The following PANK2 variants were observed in gnomAD, a reference collection of about 807,000 sequenced individuals.
PANK2 encodes the protein pantothenate kinase 2, also known as pantothenate kinase 2, mitochondrial.
PANK2 carries 36 observed loss-of-function variants against 43.1 expected under a neutral mutation model. The observed-to-expected ratio is 0.84, with a 90% CI of 0.64 to 1.10. The LOEUF (loss-of-function observed/expected upper bound fraction) is 1.10. Ranked by LOEUF, PANK2 falls within the 50% of genes least tolerant of loss-of-function variation. The pLI, the probability that PANK2 is intolerant of heterozygous loss-of-function variation, is 0.00. For missense variants in PANK2, 576 were observed against 593.3 expected (o/e 0.97, Z 0.30); for synonymous variants, 281 against 238.2 (o/e 1.18, Z -1.66).
intron 1 of PANK2, among the ~76,000 whole-genome samples, chr20:3,899,471 GTT>G (rs570331404): frequency 6.8e-6 from 1 of 146,438 alleles, no homozygotes; most frequent in Non-Finnish European, 1.5e-5. Flanking sequence ...ACATCCGGCT[GTT>G]TTTTTTTTTT....
At chr20:3,911,894 A>G (rs2090474178) in intron 3 of PANK2, among the ~76,000 whole-genome samples, 1 of 152,214 alleles carries the variant, frequency 6.6e-6, no homozygotes, top group African/African-American at 2.4e-5. Context: ...CCATCTCAAA[A>G]AAAAAAAATG....
chr20:3,908,606 A>T (rs2090424106), intron 2 of PANK2: 1 of 267,300 alleles, frequency 3.7e-6, no homozygotes, highest in Non-Finnish European at 7.3e-6. Flanking sequence ...ATATAATTAA[A>T]ATCATTTCAT....
At chr20:3,896,124 C>T (rs1391256375) in intron 1 of PANK2, among the ~76,000 whole-genome samples, 2 of 150,418 alleles carry the variant, frequency 1.3e-5, no homozygotes, top group Non-Finnish European at 3.0e-5. Flanking sequence ...TGCAGTGGTG[C>T]GATCTTGGCT....
At position 3,889,453 on chromosome 20, in the gene PANK2, A is replaced by G. The variant is rs2090074256; in HGVS notation, c.23A>G (p.Gln8Arg). ...ACGCTGGGGGGCTTGCTCGGGCGGC[A>G]GCGACTGCTGCTGCGGATGGGAGGG... The change falls in exon 1 of 7, where the codon CAG becomes CGG. Residue 8 changes from glutamine (Q) to arginine (R), a missense_variant. By Grantham distance (43) the Gln-to-Arg change is conservative. This residue lies in a region of PANK2 where 544 missense variants were observed against 528.9 expected (regional missense o/e 1.03). Coordinates refer to ENST00000610179, the MANE Select transcript of PANK2 (RefSeq NM_001386393.1). 2.6e-6 allele frequency: 4 copies of G among 1,549,082 alleles called. No homozygotes were observed. Among genetic ancestry groups the G allele is most frequent in the Non-Finnish European group, 3.5e-6 (4 of 1,154,304 alleles).
chr20:3,920,475 C>G (rs1252790392), intron 6 of PANK2, among the ~76,000 whole-genome samples: 1 of 152,124 alleles, frequency 6.6e-6, no homozygotes, highest in Non-Finnish European at 1.5e-5. Context: ...TGAGATCGCA[C>G]CACTGTACTA....
At chr20:3,906,246 A>G (rs2090385000) in intron 1 of PANK2, among the ~76,000 whole-genome samples, 1 of 151,954 alleles carries the variant, frequency 6.6e-6, no homozygotes, top group South Asian at 2.1e-4. Context: ...CAACATGGGG[A>G]AACCCTGTTT....
intron 3 of PANK2, 141 bp from the exon 4 acceptor site, chr20:3,912,317 T>G (rs1000193200): frequency 2.2e-6 from 2 of 906,988 alleles, no homozygotes; most frequent in African/African-American, 3.3e-5. Context: ...CACCTTATCT[T>G]TTCACAGACT....
At chr20:3,909,188 C>G (rs969453903) in intron 2 of PANK2, among the ~76,000 whole-genome samples, 11 of 152,328 alleles carry the variant, frequency 7.2e-5, no homozygotes, top group Middle Eastern at 3.4e-3. Flanking sequence ...TCAAGCGATT[C>G]TCCTGCTTCA....
intron 1 of PANK2, among the ~76,000 whole-genome samples, chr20:3,907,480 C>T (rs2090405584): frequency 1.3e-5 from 2 of 152,158 alleles, no homozygotes; most frequent in Admixed American, 1.3e-4. Flanking sequence ...GATAAATTGA[C>T]CATTGGAGGT....
chr20:3,902,253 A>AC (rs2090314099), intron 1 of PANK2, among the ~76,000 whole-genome samples: 1 of 149,956 alleles, frequency 6.7e-6, no homozygotes, highest in African/African-American at 2.5e-5. Context: ...TACGACCTTG[A>AC]CCTCCTGGGC....
At chr20:3,915,874 C>G (rs2090552228) in intron 4 of PANK2, among the ~76,000 whole-genome samples, 1 of 152,170 alleles carries the variant, frequency 6.6e-6, no homozygotes, top group South Asian at 2.1e-4. Flanking sequence ...TGCCTTGATA[C>G]TGTAGCGTTG....
chr20:3,904,930 G>T (rs1020084465), intron 1 of PANK2, among the ~76,000 whole-genome samples: 2 of 152,130 alleles, frequency 1.3e-5, no homozygotes, highest in Non-Finnish European at 2.9e-5. Context: ...TTTACCAGTT[G>T]GTCAGGATTG....
intron 1 of PANK2, 166 bp downstream of exon 1, chr20:3,889,894 C>A: frequency 6.5e-7 from 1 of 1,532,560 alleles, no homozygotes; most frequent in Non-Finnish European, 8.7e-7. Flanking sequence ...CTCGGGTGCT[C>A]CGAAAGCGGT....
At chr20:3,918,628 G>C (rs200779995) in intron 5 of PANK2, 43 bp from the exon 6 acceptor site, 3 of 1,613,158 alleles carry the variant, frequency 1.9e-6, no homozygotes, top group African/African-American at 2.7e-5. Context: ...TGAGAAAATA[G>C]AAATTAAGAT....
chr20:3,922,035 C>T (rs550237170), intron 6 of PANK2, among the ~76,000 whole-genome samples: 1 of 152,246 alleles, frequency 6.6e-6, no homozygotes, highest in South Asian at 2.1e-4. Flanking sequence ...AAATTGCCAA[C>T]TAGAGTGTGA....
At chr20:3,892,352 A>C (rs1471694591) in intron 1 of PANK2, among the ~76,000 whole-genome samples, 6 of 111,420 alleles carry the variant, frequency 5.4e-5, no homozygotes, top group Admixed American at 3.7e-4. Context: ...AAAAAAAAAC[A>C]AAAAAAAAGG....
chr20:3,904,597 A>G (rs972056822), intron 1 of PANK2, among the ~76,000 whole-genome samples: 4 of 152,240 alleles, frequency 2.6e-5, no homozygotes, highest in Admixed American at 2.6e-4. Flanking sequence ...GGTGAAAAAT[A>G]AATAGAAACA....
chr20:3,892,621 ATCGAAGATC>A (rs1236827372), intron 1 of PANK2, among the ~76,000 whole-genome samples: 1 of 144,504 alleles, frequency 6.9e-6, no homozygotes, highest in African/African-American at 2.5e-5. Flanking sequence ...GGTTGCAGTG[ATCGAAGATC>A]GCGCCACTGC....
chr20:3,896,138 T>G (rs1335769865), intron 1 of PANK2, among the ~76,000 whole-genome samples: 2 of 151,738 alleles, frequency 1.3e-5, no homozygotes, highest in Admixed American at 1.3e-4. Flanking sequence ...CTTGGCTCAC[T>G]GCAAGCTCCT....
Sources: allele counts gnomAD v4.1 joint callset (sites outside exome capture counted in the v4.1 genomes callset), GRCh38; gene constraint gnomAD v4.1.1; regional missense constraint gnomAD v4.1.1; transcripts MANE v1.5; gene names NCBI Gene and HGNC (gene_info 2026-07-23, HGNC 2026-07-21).